PTPRQ: variants seen among roughly 807,000 people sequenced by gnomAD.
PTPRQ encodes the protein phosphatidylinositol phosphatase PTPRQ.
PTPRQ carries 199 observed loss-of-function variants against 246.0 expected under a neutral mutation model. The observed-to-expected ratio is 0.81, with a 90% confidence interval of 0.72 to 0.91. PTPRQ has a LOEUF of 0.91. Ranked by LOEUF, PTPRQ falls within the 40% of genes least tolerant of loss-of-function variation. The pLI, the probability that PTPRQ is intolerant of heterozygous loss-of-function variation, is 0.00. For missense variants in PTPRQ, 2,624 were observed against 2,528.4 expected (o/e 1.04, Z -0.81); for synonymous variants, 869 against 853.2 (o/e 1.02, Z -0.32).
At chr12:80,459,820 G>A (rs565848689) in intron 5 of PTPRQ, among the ~76,000 whole-genome samples, 5 of 152,228 alleles carry the variant, frequency 3.3e-5, no homozygotes, top group East Asian at 1.9e-4. Flanking sequence ...TGGCATTCCC[G>A]GTGGAGGATA....
At chr12:80,598,469 A>T (rs1898041244) in intron 26 of PTPRQ, among the ~76,000 whole-genome samples, 1 of 151,984 alleles carries the variant, frequency 6.6e-6, no homozygotes, top group African/African-American at 2.4e-5. Flanking sequence ...AGGGCCCTTG[A>T]TGCCCTGAAT....
chr12:80,496,187 G>A (rs1894614308), intron 13 of PTPRQ, 63 bp from the exon 14 acceptor site: 4 of 1,543,050 alleles, frequency 2.6e-6, no homozygotes, highest in Admixed American at 2.1e-5. Flanking sequence ...GCTACCTCTA[G>A]GGTCTAAAGC....
chr12:80,468,027 CAA>C (rs1201939984), intron 6 of PTPRQ, among the ~76,000 whole-genome samples: 1 of 151,238 alleles, frequency 6.6e-6, no homozygotes, highest in East Asian at 1.9e-4. Context: ...ATTTTTAAAA[CAA>C]TGATTTCATA....
intron 17 of PTPRQ, among the ~76,000 whole-genome samples, chr12:80,529,152 T>C (rs943788294): frequency 6.6e-6 from 1 of 152,186 alleles, no homozygotes; most frequent in African/African-American, 2.4e-5. Flanking sequence ...GTAATTATGC[T>C]AAAGTACAAC....
At chr12:80,490,685 C>T (rs976067414) in intron 9 of PTPRQ, among the ~76,000 whole-genome samples, 10 of 151,888 alleles carry the variant, frequency 6.6e-5, no homozygotes, top group African/African-American at 2.4e-4. Context: ...AGAAAAATAT[C>T]TAATTCAGAA....
chr12:80,529,197 T>A (rs1895776015), intron 17 of PTPRQ, among the ~76,000 whole-genome samples: 1 of 152,164 alleles, frequency 6.6e-6, no homozygotes, highest in African/African-American at 2.4e-5. Flanking sequence ...ATGGGAAAAT[T>A]AATGAACATC....
chr12:80,651,179 T>C (rs1303579272), intron 37 of PTPRQ, among the ~76,000 whole-genome samples: 1 of 152,080 alleles, frequency 6.6e-6, no homozygotes, highest in African/African-American at 2.4e-5. Context: ...AAATTATGAA[T>C]ATAAAATGAT....
intron 26 of PTPRQ, among the ~76,000 whole-genome samples, chr12:80,597,762 C>T (rs535636059): frequency 4.4e-4 from 67 of 151,910 alleles, no homozygotes; most frequent in Non-Finnish European, 7.9e-4. Flanking sequence ...AATTACTAAG[C>T]CCCACACTCA....
chr12:80,576,996 G>T (rs770977128), intron 25 of PTPRQ, among the ~76,000 whole-genome samples: 1 of 152,078 alleles, frequency 6.6e-6, no homozygotes, highest in Non-Finnish European at 1.5e-5. Flanking sequence ...TTATAGGAGT[G>T]GTCTCAATAG....
chr12:80,492,713 T>C (rs574719395), intron 9 of PTPRQ, among the ~76,000 whole-genome samples: 1 of 152,106 alleles, frequency 6.6e-6, no homozygotes, highest in East Asian at 1.9e-4. Context: ...ATTCCTTATG[T>C]CCAGAGTCTT....
Position 80,656,545 on chromosome 12 carries a change from C to T in PTPRQ, c.6116-1440C>T, listed in dbSNP as rs2121244845. ...TTTCATGTTTAGTTAAAAATCATTA[C>T]TGGATGTTTCAATTATAATATCAAC... is the stretch of plus-strand genomic sequence containing the variant. On this transcript the variant is annotated intron_variant, in intron 38 of 44. Transcript: ENST00000644991. Among the ~76,000 whole-genome samples, 2 of 152,150 alleles carry T rather than the reference C, an allele frequency of 1.3e-5. 1 individual carries two copies. The highest frequency in any genetic ancestry group is 4.2e-4 in the South Asian group (2 of 4,818).
At chr12:80,540,810 C>A (rs78158913) in intron 20 of PTPRQ, among the ~76,000 whole-genome samples, 1,659 of 152,086 alleles carry the variant, frequency 0.011, 61 homozygotes, top group Admixed American at 0.065. Context: ...TGATCAATAC[C>A]ATTTCAGGCA....
At chr12:80,666,529 A>G (rs1900791745) in intron 39 of PTPRQ, among the ~76,000 whole-genome samples, 1 of 151,980 alleles carries the variant, frequency 6.6e-6, no homozygotes, top group South Asian at 2.1e-4. Flanking sequence ...AATTTATTGT[A>G]TATTTTCAAA....
chr12:80,461,665 A>G (rs2120486267), intron 6 of PTPRQ, among the ~76,000 whole-genome samples: 1 of 150,740 alleles, frequency 6.6e-6, no homozygotes, highest in South Asian at 2.1e-4. Context: ...ATCAGGCATT[A>G]GGTTGTAATT....
chr12:80,481,356 G>T (rs539511931), intron 8 of PTPRQ, among the ~76,000 whole-genome samples: 1 of 152,192 alleles, frequency 6.6e-6, no homozygotes, highest in South Asian at 2.1e-4. Flanking sequence ...AATAAATTAG[G>T]TATTGATGGG....
At chr12:80,483,787 A>G (rs906397954) in intron 8 of PTPRQ, among the ~76,000 whole-genome samples, 13 of 148,738 alleles carry the variant, frequency 8.7e-5, no homozygotes, top group Non-Finnish European at 1.2e-4. Context: ...CCCTGTGTCC[A>G]TGTGTTCTCA....
At chr12:80,501,266 A>G (rs1335492258) in intron 14 of PTPRQ, among the ~76,000 whole-genome samples, 2 of 151,888 alleles carry the variant, frequency 1.3e-5, no homozygotes, top group Non-Finnish European at 2.9e-5. Context: ...ATGGAATAGG[A>G]ACATTATATG....
At chr12:80,619,359 A>T in intron 30 of PTPRQ, 25 bp from the exon 31 acceptor site, 1 of 1,543,282 alleles carries the variant, frequency 6.5e-7, no homozygotes, top group South Asian at 1.2e-5. Flanking sequence ...CATCAATTGC[A>T]GTGATATTTC....
chr12:80,491,705 G>T (rs1403790800), intron 9 of PTPRQ, among the ~76,000 whole-genome samples: 2 of 151,772 alleles, frequency 1.3e-5, no homozygotes, highest in Non-Finnish European at 2.9e-5. Flanking sequence ...TAAGTAACTT[G>T]CCATTGTAGA....
Sources: gnomAD v4.1 joint callset for allele counts (sites outside exome capture counted in the v4.1 genomes callset) on GRCh38, gnomAD v4.1.1 for gene constraint, MANE v1.5 for transcripts, NCBI Gene and HGNC (gene_info 2026-07-23, HGNC 2026-07-21) for gene names.